Variants in PTPRD observed in about 807,000 individuals in gnomAD.
PTPRD encodes the protein protein tyrosine phosphatase receptor type D.
PTPRD carries 34 observed loss-of-function variants against 214.5 expected under a neutral mutation model. That is an observed-to-expected ratio of 0.16 (90% confidence interval 0.12 to 0.21). The LOEUF (loss-of-function observed/expected upper bound fraction) is 0.21. Ranked by LOEUF, PTPRD falls within the 10% of genes least tolerant of loss-of-function variation. The pLI is 1.00. For missense variants in PTPRD, 2,545 were observed against 2,398.7 expected (o/e 1.06, Z -1.27); for synonymous variants, 1,128 against 845.7 (o/e 1.33, Z -5.79).
At chr9:9,730,908 G>C (rs1317778632) in intron 7 of PTPRD, among the ~76,000 whole-genome samples, 3 of 152,072 alleles carry the variant, frequency 2.0e-5, no homozygotes, top group Non-Finnish European at 4.4e-5. Context: ...AATTCTCTTT[G>C]AGTGTACATC....
chr9:9,165,688 G>C (rs966837558), intron 10 of PTPRD, among the ~76,000 whole-genome samples: 1 of 152,066 alleles, frequency 6.6e-6, no homozygotes, highest in Non-Finnish European at 1.5e-5. Context: ...TACTGAGATA[G>C]CAATGTGTAC....
At chr9:8,798,895 T>C (rs944365736) in intron 11 of PTPRD, among the ~76,000 whole-genome samples, 4 of 152,176 alleles carry the variant, frequency 2.6e-5, no homozygotes, top group Admixed American at 6.6e-5. Flanking sequence ...TTTAAGTGCC[T>C]ATGAGATGTC....
At chr9:8,457,452 GA>G (rs2096249628) in intron 33 of PTPRD, among the ~76,000 whole-genome samples, 1 of 151,894 alleles carries the variant, frequency 6.6e-6, no homozygotes, top group African/African-American at 2.4e-5. Context: ...AAGCCCTGGT[GA>G]TTTTTTTTTG....
intron 11 of PTPRD, among the ~76,000 whole-genome samples, chr9:8,800,304 G>C (rs2096545684): frequency 6.6e-6 from 1 of 152,066 alleles, no homozygotes; most frequent in South Asian, 2.1e-4. Flanking sequence ...AGGCATGTGA[G>C]CCAGAGCAAC....
At chr9:9,254,020 A>G (rs2099976609) in intron 9 of PTPRD, among the ~76,000 whole-genome samples, 1 of 151,608 alleles carries the variant, frequency 6.6e-6, no homozygotes, top group Non-Finnish European at 1.5e-5. Flanking sequence ...GTCTCTCTTC[A>G]CCTCTGTGTG....
intron 10 of PTPRD, among the ~76,000 whole-genome samples, chr9:9,019,850 A>AT (rs1281470525): frequency 1.3e-5 from 2 of 152,144 alleles, no homozygotes; most frequent in African/African-American, 4.8e-5. Flanking sequence ...CGATGTTGGC[A>AT]TTTTCTCAGT....
chr9:8,388,982 C>CTTTTTTTT (rs34248103), intron 37 of PTPRD, among the ~76,000 whole-genome samples: 2 of 130,054 alleles, frequency 1.5e-5, no homozygotes, highest in Admixed American at 7.9e-5. Flanking sequence ...GTGAATATTC[C>CTTTTTTTT]TTTTTTTTTT....
Position 10,572,872 on chromosome 9 carries a change from CTTTTT to C in PTPRD, c.-600+39521_-600+39525del, listed in dbSNP as rs904151777. 2.0e-5 allele frequency among the ~76,000 whole-genome samples: 3 copies of C among 151,740 alleles called. No individual in the cohort carries two copies. In the South Asian group the frequency reaches 6.2e-4, roughly 32 times the overall value. ...GAGCTCACTCCAATTTGCCCCGTTT[CTTTTT>C]TTTATTTTTTTAAACTTTTAAGTTT... On this transcript the variant is annotated intron_variant, in intron 2 of 45. Transcript: ENST00000381196.
chr9:8,517,822 C>G (rs1394972913), intron 21 of PTPRD, 26 bp downstream of exon 21: 2 of 1,590,010 alleles, frequency 1.3e-6, no homozygotes, highest in Non-Finnish European at 1.7e-6. Context: ...CCCTCCTGCC[C>G]TATTTCCCTC....
chr9:9,950,737 AAAAAAAAAAAAAAAAAAAAAAAAG>A lies in PTPRD; in HGVS notation c.-471-12151_-471-12128del, dbSNP rs1420964812. Among the ~76,000 whole-genome samples the A allele has an allele frequency of 1.2e-4, 17 of 147,814 alleles. 2 individuals are homozygous for A. The highest frequency in any genetic ancestry group is 2.1e-4 in the Non-Finnish European group (14 of 66,552). ...GACTCCGTCTCAAAAAAAAAAAAAA[AAAAAAAAAAAAAAAAAAAAAAAAG>A]AAGAAAGTGGAAGATCAAACTATCT... On this transcript the variant is annotated intron_variant, in intron 4 of 45. Transcript: ENST00000381196.
chr9:8,762,051 G>A (rs1012574952), intron 11 of PTPRD, among the ~76,000 whole-genome samples: 6 of 152,136 alleles, frequency 3.9e-5, no homozygotes, highest in African/African-American at 1.4e-4. Context: ...GATTGAGACT[G>A]AAGACTAAGT....
intron 9 of PTPRD, among the ~76,000 whole-genome samples, chr9:9,303,518 C>G (rs1025488051): frequency 2.0e-5 from 3 of 152,062 alleles, no homozygotes; most frequent in Non-Finnish European, 4.4e-5. Flanking sequence ...ACGTTATTCA[C>G]TATTGTAAAA....
intron 10 of PTPRD, among the ~76,000 whole-genome samples, chr9:9,133,734 C>A (rs571901360): frequency 5.9e-5 from 9 of 152,256 alleles, no homozygotes; most frequent in Non-Finnish European, 1.0e-4. Context: ...GGATGCTGCA[C>A]ACAGACTTTT....
chr9:9,387,609 G>A (rs1374904012), intron 9 of PTPRD, among the ~76,000 whole-genome samples: 2 of 152,024 alleles, frequency 1.3e-5, no homozygotes, highest in Non-Finnish European at 2.9e-5. Flanking sequence ...TAAATTAAGT[G>A]AGCAGAAAAT....
chr9:8,798,275 T>C (rs964531678), intron 11 of PTPRD, among the ~76,000 whole-genome samples: 1 of 152,140 alleles, frequency 6.6e-6, no homozygotes, highest in Non-Finnish European at 1.5e-5. Flanking sequence ...AATCCTAGGA[T>C]CATTAAGTCC....
intron 2 of PTPRD, among the ~76,000 whole-genome samples, chr9:10,578,373 T>G (rs1334027636): frequency 6.6e-6 from 1 of 152,128 alleles, no homozygotes; most frequent in Non-Finnish European, 1.5e-5. Flanking sequence ...ATTATATATA[T>G]TATCTGAATA....
intron 9 of PTPRD, among the ~76,000 whole-genome samples, chr9:9,228,021 G>C (rs867313338): frequency 6.6e-6 from 1 of 152,114 alleles, no homozygotes; most frequent in Non-Finnish European, 1.5e-5. Flanking sequence ...TCTGTAGTGG[G>C]AGAATGCAGG....
intron 11 of PTPRD, among the ~76,000 whole-genome samples, chr9:8,991,599 G>A (rs2099367103): frequency 6.6e-6 from 1 of 152,054 alleles, no homozygotes; most frequent in South Asian, 2.1e-4. Context: ...GGTAAATAGA[G>A]GCTTAGATTT....
intron 3 of PTPRD, among the ~76,000 whole-genome samples, chr9:10,267,777 A>T (rs2498629): frequency 6.6e-6 from 1 of 152,056 alleles, no homozygotes; most frequent in Non-Finnish European, 1.5e-5. Context: ...CAACAGGAAG[A>T]CCAACAATAA....
Sources: gnomAD v4.1 joint callset for allele counts (sites outside exome capture counted in the v4.1 genomes callset) on GRCh38, gnomAD v4.1.1 for gene constraint, MANE v1.5 for transcripts, NCBI Gene and HGNC (gene_info 2026-07-23, HGNC 2026-07-21) for gene names.